PCLO: variants seen among roughly 807,000 people sequenced by gnomAD.
PCLO encodes piccolo presynaptic cytomatrix protein, also known as protein piccolo.
A neutral mutation model predicts 427.5 loss-of-function variants in PCLO; 82 were observed. That is an observed-to-expected ratio of 0.19 (90% CI 0.16 to 0.23). PCLO has a LOEUF of 0.23. Ranked by LOEUF, PCLO falls within the 10% of genes least tolerant of loss-of-function variation. The probability of loss-of-function intolerance (pLI) is 1.00; values close to 1 mark genes in which losing one functional copy is unlikely to be tolerated. For missense variants in PCLO, 6,239 were observed against 6,115.9 expected, an observed-to-expected ratio of 1.02 and a Z score of -0.67; for synonymous variants, 2,357 against 2,155.4, an observed-to-expected ratio of 1.09 and a Z score of -2.59.
At chr7:82,928,248 A>G (rs1003012070) in intron 6 of PCLO, among the ~76,000 whole-genome samples, 32 of 152,230 alleles carry the variant, frequency 2.1e-4, no homozygotes, top group African/African-American at 7.2e-4. Flanking sequence ...ATGTACTTGA[A>G]GCAAATGTTT....
rs182237992 is a variant in PCLO, at chr7:82,892,427, C to G, written c.13528+10224G>C. ...CTTACACCTTATACAAAAATTAATT[C>G]AAGATGGATTAAAGACGTGCATGTT... On this transcript the variant is annotated intron_variant, in intron 9 of 24. Coordinates refer to ENST00000333891, the MANE Select transcript of PCLO (RefSeq NM_033026.6). Among the ~76,000 whole-genome samples the G allele has an allele frequency of 3.5e-3, 530 of 152,236 alleles. 5 individuals carry two copies. Among genetic ancestry groups the G allele is most frequent in the Non-Finnish European group, 6.1e-3 (414 of 68,014 alleles).
At chr7:83,084,336 T>G (rs1790177203) in intron 3 of PCLO, among the ~76,000 whole-genome samples, 1 of 152,000 alleles carries the variant, frequency 6.6e-6, no homozygotes, top group African/African-American at 2.4e-5. Context: ...TATAAAAAAA[T>G]CTTTGAAGCC....
chr7:82,969,161 T>C (rs903442723), intron 3 of PCLO, among the ~76,000 whole-genome samples: 4 of 152,136 alleles, frequency 2.6e-5, no homozygotes, highest in African/African-American at 9.7e-5. Flanking sequence ...AAATAAAACA[T>C]AGCAATAATT....
chr7:82,950,935 C>G lies in PCLO; in HGVS notation c.9653G>C (p.Arg3218Pro). 1 of 1,613,260 alleles carries G rather than the reference C, an allele frequency of 6.2e-7. No individual in the cohort carries two copies. The highest frequency in any genetic ancestry group is 8.5e-7 in the Non-Finnish European group (1 of 1,179,772). The change falls in exon 6 of 25, where the codon CGT (arginine) becomes CCT (proline). Residue 3218 changes from arginine to proline, a missense_variant. By Grantham distance (103) the Arg-to-Pro change is moderately radical. This residue lies in a region of PCLO where 4,677 missense variants were observed against 4,468.4 expected (regional missense o/e 1.05). Transcript: ENST00000333891. Reference sequence around the variant, plus strand: ...AATTTTCTCCAGTTCCAGGAGCTCACGCTCCAAGTCTAGCTGCTGCTGTTG... The same window carrying G: ...AATTTTCTCCAGTTCCAGGAGCTCAGGCTCCAAGTCTAGCTGCTGCTGTTG... Reference protein sequence around the residue: ...DKQQQQLDLERELLELEKIKQ... With the variant: ...DKQQQQLDLEPELLELEKIKQ...
chr7:83,001,592 T>C (rs1787825946), intron 3 of PCLO, among the ~76,000 whole-genome samples: 1 of 151,788 alleles, frequency 6.6e-6, no homozygotes, highest in South Asian at 2.1e-4. Flanking sequence ...CTTTCAAACT[T>C]AGCGGCTGAG....
intron 22 of PCLO, among the ~76,000 whole-genome samples, chr7:82,775,139 G>A (rs916341956): frequency 7.2e-5 from 11 of 152,000 alleles, no homozygotes; most frequent in Middle Eastern, 3.4e-3. Flanking sequence ...ATTCATCTAC[G>A]GAAGGACTTG....
At chr7:83,085,820 A>G (rs967305292) in intron 3 of PCLO, among the ~76,000 whole-genome samples, 60 of 152,154 alleles carry the variant, frequency 3.9e-4, no homozygotes, top group African/African-American at 1.4e-3. Context: ...TTTTATTTGC[A>G]GGACTGTGGC....
intron 22 of PCLO, among the ~76,000 whole-genome samples, chr7:82,790,241 A>G (rs557274406): frequency 5.3e-5 from 8 of 152,192 alleles, no homozygotes; most frequent in African/African-American, 1.9e-4. Flanking sequence ...CTTAAAATCA[A>G]TCTATATCTT....
At chr7:82,989,262 CA>C (rs529773639) in intron 3 of PCLO, among the ~76,000 whole-genome samples, 281 of 152,084 alleles carry the variant, frequency 1.8e-3, no homozygotes, top group Non-Finnish European at 3.1e-3. Context: ...TCATTTAGGG[CA>C]AAAGCAATCC....
At chr7:82,775,344 C>T (rs1485768316) in intron 22 of PCLO, among the ~76,000 whole-genome samples, 1 of 152,182 alleles carries the variant, frequency 6.6e-6, no homozygotes, top group Non-Finnish European at 1.5e-5. Flanking sequence ...TACCATTTTG[C>T]ATTCCCACTG....
At chr7:82,810,850 G>A (rs1791554217) in intron 20 of PCLO, among the ~76,000 whole-genome samples, 1 of 151,602 alleles carries the variant, frequency 6.6e-6, no homozygotes, top group Admixed American at 6.6e-5. Flanking sequence ...CCACATGATG[G>A]CAGCACTTTG....
intron 10 of PCLO, among the ~76,000 whole-genome samples, chr7:82,848,106 G>A (rs1231955694): frequency 2.0e-5 from 3 of 151,722 alleles, no homozygotes; most frequent in African/African-American, 7.3e-5. Flanking sequence ...TAGCTCCTTT[G>A]GTCCATTTTA....
intron 3 of PCLO, among the ~76,000 whole-genome samples, chr7:83,027,794 G>T (rs1583926439): frequency 9.5e-6 from 1 of 104,908 alleles, no homozygotes; most frequent in South Asian, 4.1e-4. Flanking sequence ...ATGCAAGGCT[G>T]GTTCAATATA....
At chr7:82,822,130 G>C (rs1584011125) in intron 20 of PCLO, 1 of 1,040,592 alleles carries the variant, frequency 9.6e-7, no homozygotes, top group Non-Finnish European at 1.2e-6. Flanking sequence ...TGGAAAACTG[G>C]CAGCCACTTG....
In PCLO at chr7:83,151,068, A is replaced by G. The variant is rs563648726; in HGVS notation, c.1893+3680T>C. On this transcript the variant is annotated intron_variant, in intron 2 of 24. Coordinates refer to ENST00000333891, the MANE Select transcript of PCLO (RefSeq NM_033026.6). ...ACAGAAGCTTACAGCCTCTCTCTAG[A>G]GCTCTAACTTCTCAATTCTGACCTC... Among the ~76,000 whole-genome samples the G allele has an allele frequency of 3.9e-5, 6 of 152,254 alleles. 1 individual carries two copies. The South Asian group carries it at 1.2e-3, about 32-fold the overall frequency.
chr7:82,984,392 A>G (rs1271603925), intron 3 of PCLO, among the ~76,000 whole-genome samples: 1 of 145,120 alleles, frequency 6.9e-6, no homozygotes, highest in Non-Finnish European at 1.5e-5. Context: ...ACCTTAGTTT[A>G]TTTCAAATGT....
chr7:82,902,697 G>A lies in PCLO; in HGVS notation c.13482C>T (p.His4494=), dbSNP rs377615400. The A allele has an allele frequency of 2.5e-5, 40 of 1,601,764 alleles. No individual in the cohort carries two copies. The highest frequency in any genetic ancestry group is 6.7e-5 in the Admixed American group (4 of 59,754). Residue 4494 remains histidine, a synonymous_variant, in exon 9 of 25, where the codon CAC becomes CAT. Coordinates refer to ENST00000333891, the MANE Select transcript of PCLO (RefSeq NM_033026.6). ...AGTCTCTTGTTATTTTTATCCTTGC[G>A]TGAGGAAAGATGTAGTGCATAGTTT... ...NGKTMHYIFP[H]ARIKITRDSK...
chr7:83,137,421 T>G (rs1791756507), intron 2 of PCLO, among the ~76,000 whole-genome samples: 1 of 152,082 alleles, frequency 6.6e-6, no homozygotes, highest in African/African-American at 2.4e-5. Context: ...TACATGGATA[T>G]TCATTCATTC....
intron 14 of PCLO, among the ~76,000 whole-genome samples, chr7:82,841,158 G>A (rs1792355914): frequency 6.6e-6 from 1 of 152,024 alleles, no homozygotes; most frequent in African/African-American, 2.4e-5. Context: ...CAAATTTCCA[G>A]GAGAATCTGT....
Sources: allele counts gnomAD v4.1 joint callset (sites outside exome capture counted in the v4.1 genomes callset), GRCh38; gene constraint gnomAD v4.1.1; regional missense constraint gnomAD v4.1.1; transcripts MANE v1.5; gene names NCBI Gene and HGNC (gene_info 2026-07-23, HGNC 2026-07-21).